Variants in PLCD3 observed in about 807,000 individuals in gnomAD.
The protein encoded by PLCD3 is 1-phosphatidylinositol 4,5-bisphosphate phosphodiesterase delta-3.
PLCD3 carries 62 observed loss-of-function variants against 82.8 expected under a neutral mutation model. The observed-to-expected ratio is 0.75, with a 90% CI of 0.61 to 0.93. PLCD3 has a LOEUF of 0.93. PLCD3 is among the 40% of genes least tolerant of loss of function. PLCD3 has a pLI of 0.00. For synonymous variants in PLCD3, 478 were observed against 471.8 expected, an observed-to-expected ratio of 1.01 and a Z score of -0.17; for missense variants, 1,023 against 1,103.4, an observed-to-expected ratio of 0.93 and a Z score of 1.03.
At chr17:45,117,905 T>C (rs1006834321) in intron 7 of PLCD3, 89 bp downstream of exon 7, 3 of 1,517,926 alleles carry the variant, frequency 2.0e-6, no homozygotes, top group Admixed American at 3.8e-5. Context: ...GGGTTTCCTC[T>C]GGAAGGACGG....
intron 11 of PLCD3, among the ~76,000 whole-genome samples, chr17:45,113,987 GC>G (rs2054269545): frequency 1.3e-5 from 2 of 152,156 alleles, no homozygotes; most frequent in African/African-American, 4.8e-5. Flanking sequence ...TAGTGGGACT[GC>G]CAGGTGTGTG....
At chr17:45,128,165 G>A (rs1293189446) in intron 1 of PLCD3, among the ~76,000 whole-genome samples, 4 of 152,266 alleles carry the variant, frequency 2.6e-5, no homozygotes, top group African/African-American at 9.6e-5. Flanking sequence ...GGAGCCTGGC[G>A]GGGGCTCGGT....
chr17:45,120,631 T>A (rs1186600377), intron 3 of PLCD3, among the ~76,000 whole-genome samples, 177 bp from the exon 4 acceptor site: 4 of 152,148 alleles, frequency 2.6e-5, no homozygotes, highest in Non-Finnish European at 5.9e-5. Flanking sequence ...GGACTGGGGC[T>A]TACCAAAGAC....
Position 45,112,519 on chromosome 17 carries a change from G to A in PLCD3, c.*97C>T. 7.5e-7 allele frequency: 1 copy of A among 1,324,724 alleles called. No homozygotes were observed. Among genetic ancestry groups the A allele is most frequent in the Non-Finnish European group, 1.1e-6 (1 of 948,302 alleles). The allele number at this position is 1,324,724 out of a possible 1,614,324, so 82.1% of individuals were successfully genotyped here. Reference sequence around the variant, plus strand: ...AGTGGGCCAAGTGGGTGGGCTGGGGGGCTGGTACTCCCACCACCTGACTCC... The same window carrying A: ...AGTGGGCCAAGTGGGTGGGCTGGGGAGCTGGTACTCCCACCACCTGACTCC... On this transcript the variant is annotated 3_prime_UTR_variant, in exon 15 of 15. Coordinates refer to ENST00000619929, the MANE Select transcript of PLCD3 (RefSeq NM_133373.5).
At chr17:45,128,406 C>T (rs2054397182) in intron 1 of PLCD3, among the ~76,000 whole-genome samples, 1 of 152,184 alleles carries the variant, frequency 6.6e-6, no homozygotes, top group Admixed American at 6.5e-5. Flanking sequence ...CCTGGCATGC[C>T]CCTGCTTAGA....
Position 45,112,487 on chromosome 17 carries a change from TG to T in PLCD3, c.*128del. 2 of 1,021,150 alleles carry T rather than the reference TG, an allele frequency of 2.0e-6. No individual in the cohort carries two copies. Among genetic ancestry groups the T allele is most frequent in the Non-Finnish European group, 2.9e-6 (2 of 683,550 alleles). The allele number at this position is 1,021,150 out of a possible 1,614,324, so 63.3% of individuals were successfully genotyped here. ...CCAGGTGAGACCAGCGCCTGGTGAA[TG>T]GGCTGAGTGGGCCAAGTGGGTGGGC... On this transcript the variant is annotated 3_prime_UTR_variant, in exon 15 of 15. Transcript: ENST00000619929.
rs925152423 is a variant in PLCD3, at chr17:45,111,306, A to C, written c.*1310T>G. 2.0e-5 allele frequency: 3 copies of C among 152,034 alleles called. No individual in the cohort carries two copies. Among genetic ancestry groups the C allele is most frequent in the Non-Finnish European group, 2.9e-5 (2 of 68,058 alleles). 9.4% of individuals were successfully genotyped at this position (152,034 alleles called of 1,614,324 possible). A position where few individuals can be genotyped will look rare whatever the true frequency, so the allele number is the denominator to read the frequency against. On this transcript the variant is annotated 3_prime_UTR_variant, in exon 15 of 15. Transcript: ENST00000619929. ...GCCTTGAGCCCAGCCAAGCCTGGAGAGTGGCAGTCTGAGGGTCCCTCAGAC... is the reference window on the plus strand; with the variant it reads ...GCCTTGAGCCCAGCCAAGCCTGGAGCGTGGCAGTCTGAGGGTCCCTCAGAC...
chr17:45,115,314 C>A (rs713102), intron 9 of PLCD3, 30 bp downstream of exon 9: 348,791 of 1,500,996 alleles, frequency 0.23, 41,471 homozygotes, highest in South Asian at 0.25. Flanking sequence ...CCTTCCCCCC[C>A]TTCCCCACCC....
chr17:45,132,424 G>GCCGGGGCCGGGC lies in PLCD3; in HGVS notation c.-26_-15dup. ...GCCGCACAGCATGGCTTGGCGGGGG[G>GCCGGGGCCGGGC]CCGGGGCCGGGCCCGGGGTCTGCAC... is the stretch of plus-strand genomic sequence containing the variant. On this transcript the variant is annotated 5_prime_UTR_variant, in exon 1 of 15. Coordinates refer to ENST00000619929, the MANE Select transcript of PLCD3 (RefSeq NM_133373.5). This position sits in a 1 kb window ranked among gnomAD's most constrained non-coding sequence, Gnocchi z 4.6. 3 of 1,202,948 alleles carry GCCGGGGCCGGGC rather than the reference G, an allele frequency of 2.5e-6. No homozygotes were observed. The highest frequency in any genetic ancestry group is 3.1e-6 in the Non-Finnish European group (3 of 969,014). The allele number at this position is 1,202,948 out of a possible 1,614,324, so 74.5% of individuals were successfully genotyped here.
chr17:45,121,505 T>C, intron 1 of PLCD3, 133 bp from the exon 2 acceptor site: 2 of 1,109,140 alleles, frequency 1.8e-6, no homozygotes, highest in Non-Finnish European at 2.4e-6. Context: ...TAAGCTTCCC[T>C]CCCCCTCACA....
At chr17:45,131,717 GT>G (rs760218500) in intron 1 of PLCD3, among the ~76,000 whole-genome samples, 5 of 152,218 alleles carry the variant, frequency 3.3e-5, no homozygotes, top group Non-Finnish European at 7.3e-5. Flanking sequence ...CAAATCTGAG[GT>G]GAGAGCCTTG....
Position 45,132,265 on chromosome 17 carries a change from C to A in PLCD3, c.146G>T (p.Arg49Leu). 7.8e-7 allele frequency: 1 copy of A among 1,275,366 alleles called. No individual in the cohort carries two copies. Among genetic ancestry groups the A allele is most frequent in the Non-Finnish European group, 9.9e-7 (1 of 1,010,040 alleles). 79.0% of individuals were successfully genotyped at this position (1,275,366 alleles called of 1,614,324 possible). The change falls in exon 1 of 15, where the codon CGG becomes CTG. Residue 49 changes from arginine (R) to leucine (L), a missense_variant. Arg to Leu is a moderately radical substitution (Grantham distance 102, BLOSUM62 -2). Transcript: ENST00000619929. The surrounding 1 kb of genome is among the most constrained non-coding windows in gnomAD (Gnocchi z 4.6). ...TCACTGACCCATCTTCTTCAGCGCCCGCAGCCCGGGCCTCTTGGTGCCGCC... is the reference window on the plus strand; with the variant it reads ...TCACTGACCCATCTTCTTCAGCGCCAGCAGCCCGGGCCTCTTGGTGCCGCC... ...SDGGTKRPGLRALKKMGLTED... is the reference protein window; with the variant it reads ...SDGGTKRPGLLALKKMGLTED...
chr17:45,113,144 C>T lies in PLCD3; in HGVS notation c.2109G>A (p.Glu703=), dbSNP rs765393844. 4 of 1,613,482 alleles carry T rather than the reference C, an allele frequency of 2.5e-6. No individual in the cohort carries two copies. The highest frequency in any genetic ancestry group is 3.4e-6 in the Non-Finnish European group (4 of 1,179,718). ...HGVPADCARQ[E]TDYVLNNGFN... is the part of the protein sequence containing the mutation. ...CACCATTGTTGAGCACGTAGTCAGT[C>T]TCCTGCCGGGCACAGTCTGCGGGCA... Residue 703 remains glutamate, a synonymous_variant, in exon 13 of 15, where the codon GAG becomes GAA. Coordinates refer to ENST00000619929, the MANE Select transcript of PLCD3 (RefSeq NM_133373.5).
chr17:45,129,129 G>A (rs891881019), intron 1 of PLCD3: 11 of 152,230 alleles, frequency 7.2e-5, no homozygotes, highest in African/African-American at 1.4e-4. Flanking sequence ...TGCGAAAAGC[G>A]CCTGGGACAG....
At chr17:45,128,719 G>GA (rs2054399483) in intron 1 of PLCD3, among the ~76,000 whole-genome samples, 1 of 152,254 alleles carries the variant, frequency 6.6e-6, no homozygotes, top group Non-Finnish European at 1.5e-5. Context: ...GGTGGCCAGA[G>GA]AAAATCCAGG....
chr17:45,117,888 TG>T, intron 7 of PLCD3, 105 bp downstream of exon 7: 1 of 1,438,026 alleles, frequency 7.0e-7, no homozygotes, highest in Non-Finnish European at 9.4e-7. Flanking sequence ...AATGATTCTC[TG>T]GGCAAGGGTT....
rs1308923142 is a variant in PLCD3 at position 45,120,854 on chromosome 17, T to C, written c.554+48A>G. 2.1e-6 allele frequency: 3 copies of C among 1,408,594 alleles called. No individual in the cohort carries two copies. The South Asian group carries it at 4.6e-5, about 22-fold the overall frequency. The allele number at this position is 1,408,594 out of a possible 1,614,324, so 87.3% of individuals were successfully genotyped here. A position where few individuals can be genotyped will look rare whatever the true frequency, so the allele number is the denominator to read the frequency against. On this transcript the variant is annotated intron_variant, in intron 3 of 14. Transcript: ENST00000619929. ...CTCCAAGGATGGGGCTCTCCAAGGT[T>C]AGGGCTCTCCAAGGATGGGGCCCTC...
At chr17:45,116,083 T>C (rs554897912) in intron 8 of PLCD3, among the ~76,000 whole-genome samples, 1 of 152,048 alleles carries the variant, frequency 6.6e-6, no homozygotes, top group Non-Finnish European at 1.5e-5. Context: ...CCTGCCTGCA[T>C]GTTGGGGATT....
In PLCD3 at chr17:45,121,034, A is replaced by G. The variant is rs923734401; in HGVS notation, c.422T>C (p.Ile141Thr). ...GAFAPARCLTIAFKGRRKNLD... is the reference protein window; with the variant it reads ...GAFAPARCLTTAFKGRRKNLD... ...GTTCTTGCGGCGGCCCTTGAAGGCG[A>G]TGGTGAGGCAGCGCGCTGGCGCGAA... Residue 141 changes from isoleucine (I) to threonine (T), a missense_variant, in exon 3 of 15, where the codon ATC becomes ACC. Coordinates refer to ENST00000619929, the MANE Select transcript of PLCD3 (RefSeq NM_133373.5). 1.6e-5 allele frequency: 25 copies of G among 1,540,646 alleles called. No homozygotes were observed. The highest frequency in any genetic ancestry group is 2.1e-5 in the Non-Finnish European group (24 of 1,150,922).
Sources: allele counts gnomAD v4.1 joint callset (sites outside exome capture counted in the v4.1 genomes callset), GRCh38; gene constraint gnomAD v4.1.1; non-coding constraint Gnocchi (gnomAD v3.1); transcripts MANE v1.5; gene names NCBI Gene and HGNC (gene_info 2026-07-23, HGNC 2026-07-21).